ZNF469: variants seen among roughly 807,000 people sequenced by gnomAD.
ZNF469 encodes zinc finger protein 469.
Under a neutral mutation model 1.0 loss-of-function variants are expected in ZNF469, and 1 was observed. The ratio of observed to expected loss-of-function variants is 1.00; its 90% CI spans 0.35 to 4.73. ZNF469 has a LOEUF of 4.73. Among genes scored for constraint, ZNF469 ranks in the 30% most tolerant of loss-of-function variants. The pLI, the probability that ZNF469 is intolerant of heterozygous loss-of-function variation, is 0.16. For missense variants in ZNF469, 6,100 were observed against 5,356.3 expected, an observed-to-expected ratio of 1.14 and a Z score of -4.33; for synonymous variants, 2,703 against 2,363.4, an observed-to-expected ratio of 1.14 and a Z score of -4.17.
the ZNF469 span, among the ~76,000 whole-genome samples, chr16:88,301,503 C>G: frequency 6.6e-6 from 1 of 152,196 alleles, no homozygotes; most frequent in African/African-American, 2.4e-5. Context: ...CTCTCTTGTA[C>G]TCAGTGAACA....
chr16:88,215,997 T>G, the ZNF469 span, among the ~76,000 whole-genome samples: 1 of 152,348 alleles, frequency 6.6e-6, no homozygotes, highest in East Asian at 1.9e-4. Context: ...TATTCCATTC[T>G]GCAATTTCAT....
the ZNF469 span, among the ~76,000 whole-genome samples, chr16:88,362,039 G>A: frequency 6.6e-6 from 1 of 152,218 alleles, no homozygotes; most frequent in African/African-American, 2.4e-5. Flanking sequence ...AGTCCCTGCT[G>A]TCTGGCTTCT....
chr16:88,246,605 G>A, the ZNF469 span, among the ~76,000 whole-genome samples: 25 of 152,328 alleles, frequency 1.6e-4, no homozygotes, highest in East Asian at 1.2e-3. Flanking sequence ...TTTTTTATTC[G>A]TAGGTCAAAG....
the ZNF469 span, among the ~76,000 whole-genome samples, chr16:88,356,827 C>T: frequency 1.3e-5 from 2 of 152,260 alleles, no homozygotes; most frequent in African/African-American, 4.8e-5. Context: ...GGAGCCGCAT[C>T]AGTTCCTGGA....
At chr16:88,383,424 C>G (rs1403291597) in intron 1 of ZNF469, among the ~76,000 whole-genome samples, 170 bp downstream of exon 1, 2 of 148,206 alleles carry the variant, frequency 1.3e-5, no homozygotes, top group Non-Finnish European at 3.0e-5. Context: ...TCGCGGCGCC[C>G]GGCCCGGCTC....
chr16:88,216,942 A>G, the ZNF469 span, among the ~76,000 whole-genome samples: 2 of 151,080 alleles, frequency 1.3e-5, no homozygotes, highest in Non-Finnish European at 2.9e-5. Flanking sequence ...TTTTTTCTTC[A>G]TAGAATTCTA....
At chr16:88,370,209 C>T in the ZNF469 span, among the ~76,000 whole-genome samples, 70 of 152,278 alleles carry the variant, frequency 4.6e-4, no homozygotes, top group African/African-American at 1.2e-3. Flanking sequence ...CGCACCTATT[C>T]GGCACAATTT....
chr16:88,412,003 G>T (rs1240970900), intron 1 of ZNF469, among the ~76,000 whole-genome samples: 1 of 196 alleles, frequency 5.1e-3, no homozygotes, highest in Non-Finnish European at 7.4e-3. Flanking sequence ...GCGAACCTGG[G>T]GTCCCAAGAC....
the ZNF469 span, among the ~76,000 whole-genome samples, chr16:88,206,821 G>C: frequency 2.0e-5 from 2 of 98,804 alleles, no homozygotes; most frequent in African/African-American, 8.1e-5. Flanking sequence ...TGGGGACGGA[G>C]GGGAGGGGAG....
the ZNF469 span, among the ~76,000 whole-genome samples, chr16:88,260,495 C>T: frequency 6.6e-6 from 1 of 152,178 alleles, no homozygotes; most frequent in African/African-American, 2.4e-5. The surrounding 1 kb of genome is among the most constrained non-coding windows in gnomAD (Gnocchi z 4.1). Context: ...GGTGCACACA[C>T]GTGTCCCTTG....
the ZNF469 span, among the ~76,000 whole-genome samples, chr16:88,322,182 C>T: frequency 2.0e-5 from 3 of 152,306 alleles, no homozygotes; most frequent in Non-Finnish European, 2.9e-5. Context: ...TCCCAGCCTC[C>T]GATGGACTCA....
chr16:88,433,244 T>A lies in ZNF469; in HGVS notation c.5774T>A (p.Leu1925Gln). The change falls in exon 3 of 3, where the codon CTG becomes CAG. Residue 1925 changes from leucine (L) to glutamine (Q), a missense_variant. Transcript: ENST00000565624. Reference sequence around the variant, plus strand: ...GATGGCATCCTGGGCTTGCAGGAGCTGACACCTGCTGCCCAGAGCCCTCCA... The same window carrying A: ...GATGGCATCCTGGGCTTGCAGGAGCAGACACCTGCTGCCCAGAGCCCTCCA... ...SKDGILGLQELTPAAQSPPRV... is the reference protein window; with the variant it reads ...SKDGILGLQEQTPAAQSPPRV... The A allele has an allele frequency of 6.5e-7, 1 of 1,550,138 alleles. No individual in the cohort carries two copies. The highest frequency in any genetic ancestry group is 8.7e-7 in the Non-Finnish European group (1 of 1,146,904).
At chr16:88,173,513 A>G in the ZNF469 span, among the ~76,000 whole-genome samples, 1 of 152,162 alleles carries the variant, frequency 6.6e-6, no homozygotes, top group South Asian at 2.1e-4. Flanking sequence ...TTCTTCTTTC[A>G]GCAGAAGAAA....
At chr16:88,198,039 G>C in the ZNF469 span, among the ~76,000 whole-genome samples, 1 of 152,330 alleles carries the variant, frequency 6.6e-6, no homozygotes, top group Non-Finnish European at 1.5e-5. Context: ...GAGTTTGGGG[G>C]TGTATTTTAA....
At chr16:88,308,386 G>A in the ZNF469 span, among the ~76,000 whole-genome samples, 1 of 152,148 alleles carries the variant, frequency 6.6e-6, no homozygotes, top group South Asian at 2.1e-4. Flanking sequence ...ATTGTGATCG[G>A]GATTGCACTG....
chr16:88,139,257 A>G, the ZNF469 span, among the ~76,000 whole-genome samples: 4 of 152,138 alleles, frequency 2.6e-5, no homozygotes, highest in African/African-American at 9.7e-5. Context: ...AGTGGATCTG[A>G]AATCTTTTTG....
the ZNF469 span, among the ~76,000 whole-genome samples, chr16:88,130,193 G>A: frequency 3.3e-5 from 5 of 152,176 alleles, no homozygotes; most frequent in East Asian, 1.9e-4. Flanking sequence ...GGGTGCGTGC[G>A]CAGGAAACGG....
At chr16:88,311,636 G>T in the ZNF469 span, among the ~76,000 whole-genome samples, 1 of 152,120 alleles carries the variant, frequency 6.6e-6, no homozygotes, top group Non-Finnish European at 1.5e-5. Flanking sequence ...CCAACTGAGG[G>T]GTGTCTGGTG....
At chr16:88,164,608 T>C in the ZNF469 span, among the ~76,000 whole-genome samples, 125,503 of 152,136 alleles carry the variant, frequency 0.82, 52,232 homozygotes, top group African/African-American at 0.86. Context: ...TTTTCCCTTT[T>C]TATGTTTGAC....
Sources: allele counts gnomAD v4.1 joint callset (sites outside exome capture counted in the v4.1 genomes callset), GRCh38; gene constraint gnomAD v4.1.1; non-coding constraint Gnocchi (gnomAD v3.1); transcripts MANE v1.5; gene names NCBI Gene and HGNC (gene_info 2026-07-23, HGNC 2026-07-21).